Variants in TLL1 observed in about 807,000 individuals in gnomAD.
TLL1 encodes the protein tolloid-like protein 1.
TLL1 carries 49 observed loss-of-function variants against 128.2 expected under a neutral mutation model. The observed-to-expected ratio is 0.38, with a 90% CI of 0.30 to 0.48. The LOEUF is 0.48. TLL1 is among the 20% of genes least tolerant of loss of function. The pLI is 0.96. For missense variants in TLL1, 1,123 were observed against 1,242.0 expected, an observed-to-expected ratio of 0.90 and a Z score of 1.44; for synonymous variants, 454 against 418.8, an observed-to-expected ratio of 1.08 and a Z score of -1.03.
rs150952504 is a variant in TLL1 at position 166,077,995 on chromosome 4, G to A, written c.2407G>A (p.Glu803Lys). 2.5e-6 allele frequency: 4 copies of A among 1,613,588 alleles called. No individual in the cohort carries two copies. Among genetic ancestry groups the A allele is most frequent in the Admixed American group, 3.3e-5 (2 of 59,952 alleles). Residue 803 changes from glutamate (E) to lysine (K), a missense_variant, in exon 18 of 21, where the codon GAA becomes AAA. Physicochemically the swap from Glu to Lys is moderately conservative, Grantham distance 56. This residue lies in a region of TLL1 where 634 missense variants were observed against 672.4 expected (regional missense o/e 0.94). Transcript: ENST00000061240. ...KYPSRKECTW[E>K]ISATPGHRIK... ...CCCAAGCAGGAAAGAATGCACTTGG[G>A]AAATCAGCGCCACTCCTGGCCACCG...
intron 18 of TLL1, among the ~76,000 whole-genome samples, chr4:166,082,867 G>A (rs969648552): frequency 6.6e-6 from 1 of 151,936 alleles, no homozygotes; most frequent in Non-Finnish European, 1.5e-5. Context: ...TGTAGAGTCA[G>A]CGTTTTGCTA....
chr4:165,902,073 T>C (rs1308435283), intron 1 of TLL1, among the ~76,000 whole-genome samples: 1 of 152,060 alleles, frequency 6.6e-6, no homozygotes, highest in Non-Finnish European at 1.5e-5. Flanking sequence ...TTAAGCTCAG[T>C]AATGGTGGAT....
chr4:165,895,632 GTAAAAAAAAAA>G (rs1731635323), intron 1 of TLL1, among the ~76,000 whole-genome samples: 1 of 26,378 alleles, frequency 3.8e-5, no homozygotes, highest in Admixed American at 4.7e-4. Context: ...AAGACTTTTT[GTAAAAAAAAAA>G]AAAAAAAAAA....
chr4:166,049,205 A>C (rs1048840269), intron 12 of TLL1, among the ~76,000 whole-genome samples: 4 of 152,188 alleles, frequency 2.6e-5, no homozygotes, highest in Non-Finnish European at 5.9e-5. Context: ...AGCACTTGTT[A>C]GTTTCAATCA....
chr4:166,099,179 T>C (rs1053519733), intron 19 of TLL1, 98 bp from the exon 20 acceptor site: 34 of 1,561,480 alleles, frequency 2.2e-5, no homozygotes, highest in Non-Finnish European at 2.8e-5. Flanking sequence ...AAACAGAAGT[T>C]AGACAATGGC....
At chr4:166,090,755 AT>A (rs1310779423) in intron 18 of TLL1, among the ~76,000 whole-genome samples, 1 of 152,080 alleles carries the variant, frequency 6.6e-6, no homozygotes, top group Non-Finnish European at 1.5e-5. Flanking sequence ...TTCTATGATT[AT>A]CAAACCCAGA....
chr4:166,015,569 T>C (rs1737898439), intron 8 of TLL1, among the ~76,000 whole-genome samples: 1 of 151,980 alleles, frequency 6.6e-6, no homozygotes, highest in Admixed American at 6.6e-5. Context: ...TTTTAGGCCA[T>C]AGAAGAGGGC....
intron 1 of TLL1, among the ~76,000 whole-genome samples, chr4:165,908,248 G>A (rs75267611): frequency 0.017 from 2,653 of 152,182 alleles, 90 homozygotes; most frequent in African/African-American, 0.061. Context: ...CTTATACTCC[G>A]GTCTTCCAAC....
At chr4:165,955,893 GAAAT>G (rs1248508983) in intron 1 of TLL1, among the ~76,000 whole-genome samples, 1 of 152,174 alleles carries the variant, frequency 6.6e-6, no homozygotes, top group Admixed American at 6.5e-5. Context: ...GGCCAGCTGA[GAAAT>G]AAAGAGAAAG....
chr4:166,046,979 A>T (rs1739484731), intron 12 of TLL1, among the ~76,000 whole-genome samples: 1 of 151,906 alleles, frequency 6.6e-6, no homozygotes, highest in African/African-American at 2.4e-5. Context: ...GTTTATATCA[A>T]TTTTTTTGTT....
chr4:165,936,705 A>T (rs1733779755), intron 1 of TLL1, among the ~76,000 whole-genome samples: 1 of 151,666 alleles, frequency 6.6e-6, no homozygotes, highest in Admixed American at 6.6e-5. Flanking sequence ...AGGTGGGTGG[A>T]TCACCTGAGG....
At position 166,055,220 on chromosome 4, in the gene TLL1, G is replaced by C. The variant is rs537688226; in HGVS notation, c.1669G>C (p.Val557Leu). The change falls in exon 13 of 21, where the codon GTT (valine) becomes CTT (leucine). Residue 557 changes from valine to leucine, a missense_variant. Transcript: ENST00000061240. Reference protein sequence around the residue: ...STSNTLWMKFVSDGTVNKAGF... With the variant: ...STSNTLWMKFLSDGTVNKAGF... ...CTCCAATACTTTGTGGATGAAGTTT[G>C]TTTCTGACGGAACTGTGAACAAAGC... 5.0e-6 allele frequency: 8 copies of C among 1,613,552 alleles called. No homozygotes were observed. In the African/African-American group the frequency reaches 8.0e-5, roughly 16 times the overall value.
intron 1 of TLL1, 142 bp downstream of exon 1, chr4:165,874,215 C>T (rs1359719545): frequency 9.7e-7 from 1 of 1,027,360 alleles, no homozygotes; most frequent in East Asian, 2.5e-5. Flanking sequence ...CCCTCCTTTT[C>T]CTTCCCTTCC....
intron 18 of TLL1, among the ~76,000 whole-genome samples, chr4:166,079,639 T>C (rs1436913101): frequency 6.6e-6 from 1 of 152,148 alleles, no homozygotes; most frequent in Non-Finnish European, 1.5e-5. Context: ...TTAGTAATTT[T>C]TTGGTATTTT....
intron 1 of TLL1, among the ~76,000 whole-genome samples, chr4:165,951,512 T>A (rs1734514851): frequency 6.6e-6 from 1 of 152,158 alleles, no homozygotes; most frequent in South Asian, 2.1e-4. Context: ...GGGCAGTGAA[T>A]GTGGTCAGTG....
rs1742277220 is a variant in TLL1, at chr4:166,101,305, C to T, written c.*429C>T. 1 of 258,510 alleles carries T rather than the reference C, an allele frequency of 3.9e-6. No individual in the cohort carries two copies. Among genetic ancestry groups the T allele is most frequent in the African/African-American group, 2.3e-5 (1 of 43,588 alleles). The allele number at this position is 258,510 out of a possible 1,614,324, so 16.0% of individuals were successfully genotyped here. On this transcript the variant is annotated 3_prime_UTR_variant, in exon 21 of 21. Coordinates refer to ENST00000061240, the MANE Select transcript of TLL1 (RefSeq NM_012464.5). ...TATTTTGGTTGTCTTAGGATAATTG[C>T]TGACTTTGTATCTTGGATACAGTGT...
chr4:166,052,965 G>GTGTGTATATATATATATATATATA, intron 12 of TLL1, among the ~76,000 whole-genome samples: 37 of 99,696 alleles, frequency 3.7e-4, no homozygotes, highest in African/African-American at 9.9e-4. Flanking sequence ...GAGGTTATGT[G>GTGTGTATATATATATATATATATA]TATATATATA....
intron 18 of TLL1, among the ~76,000 whole-genome samples, chr4:166,090,151 T>C (rs181720714): frequency 2.5e-4 from 38 of 151,996 alleles, no homozygotes; most frequent in Non-Finnish European, 5.0e-4. Context: ...GTTTGAAATA[T>C]ATTTCATACT....
At position 166,014,492 on chromosome 4, in the gene TLL1, C is replaced by A. The variant is rs774891568; in HGVS notation, c.974C>A (p.Ala325Glu). The change falls in exon 8 of 21, where the codon GCA becomes GAA. Residue 325 changes from alanine (A) to glutamate (E), a missense_variant. This residue lies in a region of TLL1 where 480 missense variants were observed against 542.4 expected (regional missense o/e 0.89). Coordinates refer to ENST00000061240, the MANE Select transcript of TLL1 (RefSeq NM_012464.5). Reference sequence around the variant, plus strand: ...CGTGATGATAATGGCATACGTCCTGCAATTGGTCAGCGAACCCGTCTAAGC... The same window carrying A: ...CGTGATGATAATGGCATACGTCCTGAAATTGGTCAGCGAACCCGTCTAAGC... ...PSRDDNGIRPAIGQRTRLSKG... is the reference protein window; with the variant it reads ...PSRDDNGIRPEIGQRTRLSKG... 1.2e-6 allele frequency: 2 copies of A among 1,612,494 alleles called. No homozygotes were observed. Among genetic ancestry groups the A allele is most frequent in the East Asian group, 4.5e-5 (2 of 44,816 alleles).
Sources: allele counts gnomAD v4.1 joint callset (sites outside exome capture counted in the v4.1 genomes callset), GRCh38; gene constraint gnomAD v4.1.1; regional missense constraint gnomAD v4.1.1; transcripts MANE v1.5; gene names NCBI Gene and HGNC (gene_info 2026-07-23, HGNC 2026-07-21).